The following ATXN1 variants were observed in gnomAD, a reference collection of about 807,000 sequenced individuals.
ATXN1 encodes ataxin-1.
A neutral mutation model predicts 56.4 loss-of-function variants in ATXN1; 8 were observed. That is an observed-to-expected ratio of 0.14 (90% CI 0.08 to 0.26). The LOEUF (loss-of-function observed/expected upper bound fraction) is 0.26, where lower values mean the gene tolerates loss of function less well. Among genes scored for constraint, ATXN1 ranks in the 10% least tolerant of loss-of-function variants. ATXN1 has a pLI of 1.00. For synonymous variants in ATXN1, 514 were observed against 494.6 expected (o/e 1.04, Z -0.52); for missense variants, 987 against 1,106.5 (o/e 0.89, Z 1.53).
chr6:16,593,502 C>T (rs1329447309), intron 3 of ATXN1, among the ~76,000 whole-genome samples: 2 of 152,106 alleles, frequency 1.3e-5, no homozygotes, highest in African/African-American at 2.4e-5. Flanking sequence ...AGGCATACAC[C>T]GACCACCCTA....
chr6:16,517,842 C>T (rs573444141), intron 5 of ATXN1, among the ~76,000 whole-genome samples: 2 of 152,200 alleles, frequency 1.3e-5, no homozygotes, highest in Non-Finnish European at 2.9e-5. Context: ...GAAGAGACCA[C>T]GATTGCTGAA....
intron 6 of ATXN1, among the ~76,000 whole-genome samples, chr6:16,444,076 A>G (rs937029291): frequency 1.3e-5 from 2 of 150,610 alleles, no homozygotes; most frequent in Admixed American, 1.3e-4. Context: ...AGATTGCGCC[A>G]CTGCATTCCA....
intron 4 of ATXN1, among the ~76,000 whole-genome samples, chr6:16,552,838 C>T (rs1384683932): frequency 6.6e-6 from 1 of 152,226 alleles, no homozygotes. Flanking sequence ...ATCTGTTTAA[C>T]TTCCACTCAC....
At chr6:16,704,846 C>T (rs943202303) in intron 2 of ATXN1, among the ~76,000 whole-genome samples, 8 of 152,200 alleles carry the variant, frequency 5.3e-5, no homozygotes, top group East Asian at 1.9e-4. Context: ...CATTTCCAAA[C>T]GTCTGCACCA....
intron 5 of ATXN1, among the ~76,000 whole-genome samples, chr6:16,499,138 C>T (rs1201127623): frequency 6.6e-6 from 1 of 152,080 alleles, no homozygotes; most frequent in African/African-American, 2.4e-5. Context: ...TCAGTTCCTA[C>T]ATTTAGGGTA....
rs1228140167 is a variant in ATXN1, at chr6:16,324,886, T to G, written c.1917+1508A>C. 2.0e-5 allele frequency among the ~76,000 whole-genome samples: 3 copies of G among 152,232 alleles called. No homozygotes were observed. The East Asian group carries it at 5.8e-4, about 29-fold the overall frequency. On this transcript the variant is annotated intron_variant, in intron 7 of 7. Coordinates refer to ENST00000436367, the MANE Select transcript of ATXN1 (RefSeq NM_001128164.2). ...ACAGCCCTGACTTCTCAGATTGTAT[T>G]AACCACGCTTTTATTTTCTGATGCT...
chr6:16,391,352 G>T (rs377467137), intron 6 of ATXN1, among the ~76,000 whole-genome samples: 1 of 151,850 alleles, frequency 6.6e-6, no homozygotes, highest in Non-Finnish European at 1.5e-5. Context: ...CTCAAACATG[G>T]CTGCCCATCA....
chr6:16,311,102 A>C (rs1760380114), intron 7 of ATXN1, among the ~76,000 whole-genome samples: 2 of 152,234 alleles, frequency 1.3e-5, no homozygotes, highest in Non-Finnish European at 2.9e-5. Flanking sequence ...TATAATGTGA[A>C]GCAAGCTAAA....
Position 16,564,645 on chromosome 6 carries a change from T to C in ATXN1, c.-361+21135A>G, listed in dbSNP as rs143648265. Among the ~76,000 whole-genome samples, 3 of 152,330 alleles carry C rather than the reference T, an allele frequency of 2.0e-5. No homozygotes were observed. In the East Asian group the frequency reaches 5.8e-4, roughly 29 times the overall value. ...TGCATGATTCTATTTATATGGAATG[T>C]CTAGAACAAGCAAATCTATATATAG... On this transcript the variant is annotated intron_variant, in intron 4 of 7. Transcript: ENST00000436367.
rs771419509 is a variant in ATXN1 at position 16,327,409 on chromosome 6, A to C, written c.902T>G (p.Val301Gly). 3.7e-6 allele frequency: 6 copies of C among 1,613,540 alleles called. No homozygotes were observed. Among genetic ancestry groups the C allele is most frequent in the Non-Finnish European group, 5.1e-6 (6 of 1,179,932 alleles). Residue 301 changes from valine (V) to glycine (G), a missense_variant, in exon 7 of 8, where the codon GTC becomes GGC. Transcript: ENST00000436367. ...MQYADSGSHF[V>G]PREATKKAES... The stretch of plus-strand genomic sequence containing the variant: ...AGCTTTCTTGGTGGCCTCCCGAGGG[A>C]CAAAGTGGCTGCCGGAGTCGGCGTA...
At chr6:16,478,381 A>C (rs1760370497) in intron 6 of ATXN1, among the ~76,000 whole-genome samples, 1 of 152,230 alleles carries the variant, frequency 6.6e-6, no homozygotes, top group South Asian at 2.1e-4. Flanking sequence ...ATTAGGGAGG[A>C]AGGCTGTTCA....
chr6:16,545,741 T>G (rs985918870), intron 4 of ATXN1, among the ~76,000 whole-genome samples: 33 of 152,238 alleles, frequency 2.2e-4, no homozygotes, highest in Non-Finnish European at 2.9e-5. Flanking sequence ...TTAATGGAAC[T>G]AAATTTGTGC....
intron 4 of ATXN1, among the ~76,000 whole-genome samples, chr6:16,533,456 G>C (rs1007238387): frequency 6.6e-6 from 1 of 152,188 alleles, no homozygotes; most frequent in African/African-American, 2.4e-5. Context: ...CTTTGATTCA[G>C]AGTGAGCTCT....
At chr6:16,392,192 C>T (rs370461514) in intron 6 of ATXN1, among the ~76,000 whole-genome samples, 4 of 152,232 alleles carry the variant, frequency 2.6e-5, no homozygotes, top group East Asian at 1.9e-4. Context: ...TTACAGATGG[C>T]TGCTGTCAGG....
intron 2 of ATXN1, among the ~76,000 whole-genome samples, chr6:16,696,393 T>C (rs1305123410): frequency 1.3e-5 from 2 of 152,108 alleles, no homozygotes; most frequent in Admixed American, 6.5e-5. Flanking sequence ...GAAATGACAA[T>C]AAGTCTCCAA....
At chr6:16,735,491 C>T (rs1460310417) in intron 2 of ATXN1, among the ~76,000 whole-genome samples, 1 of 152,120 alleles carries the variant, frequency 6.6e-6, no homozygotes, top group Non-Finnish European at 1.5e-5. Flanking sequence ...ATGGAGGAAA[C>T]AAATCTAATG....
At chr6:16,581,366 G>C (rs1762527719) in intron 4 of ATXN1, among the ~76,000 whole-genome samples, 1 of 152,074 alleles carries the variant, frequency 6.6e-6, no homozygotes, top group Non-Finnish European at 1.5e-5. Context: ...AGGGCCCGAA[G>C]AGAGCAGCTG....
chr6:16,305,967 C>T lies in ATXN1; in HGVS notation c.*362G>A. 4.4e-6 allele frequency: 1 copy of T among 229,504 alleles called. No homozygotes were observed. Among genetic ancestry groups the T allele is most frequent in the Non-Finnish European group, 8.8e-6 (1 of 113,998 alleles). 14.2% of individuals were successfully genotyped at this position (229,504 alleles called of 1,614,324 possible). ...ACATGCGTGCAACCCTGCACCCCTG[C>T]AGGACCCTTCCCACGGGACTTTTCT... On this transcript the variant is annotated 3_prime_UTR_variant, in exon 8 of 8. Transcript: ENST00000436367.
intron 6 of ATXN1, among the ~76,000 whole-genome samples, chr6:16,372,623 A>G (rs916077220): frequency 6.6e-6 from 1 of 152,192 alleles, no homozygotes; most frequent in Non-Finnish European, 1.5e-5. Context: ...ACTTTAAAAC[A>G]TGACTGTGGG....
Sources: gnomAD v4.1 joint callset for allele counts (sites outside exome capture counted in the v4.1 genomes callset) on GRCh38, gnomAD v4.1.1 for gene constraint, MANE v1.5 for transcripts, NCBI Gene and HGNC (gene_info 2026-07-23, HGNC 2026-07-21) for gene names.